SDK1: variants seen among roughly 807,000 people sequenced by gnomAD.
The protein encoded by SDK1 is sidekick cell adhesion molecule 1.
A neutral mutation model predicts 245.5 loss-of-function variants in SDK1; 157 were observed. The ratio of observed to expected loss-of-function variants is 0.64; its 90% CI spans 0.56 to 0.73. The LOEUF (loss-of-function observed/expected upper bound fraction) is 0.73. SDK1 is among the 30% of genes least tolerant of loss of function. SDK1 has a pLI of 0.00. For synonymous variants in SDK1, 1,647 were observed against 1,278.5 expected (o/e 1.29, Z -6.15); for missense variants, 3,583 against 3,002.3 (o/e 1.19, Z -4.52).
intron 7 of SDK1, chr7:3,958,007 G>A (rs968942527): frequency 9.8e-5 from 46 of 470,516 alleles, no homozygotes; most frequent in African/African-American, 8.8e-4. Flanking sequence ...TCTTTGAAAT[G>A]CTTAGTTTTC....
intron 1 of SDK1, among the ~76,000 whole-genome samples, chr7:3,609,266 A>G (rs1562599312): frequency 6.6e-6 from 1 of 152,226 alleles, no homozygotes; most frequent in Non-Finnish European, 1.5e-5. Flanking sequence ...AGGGATCCTG[A>G]GACCAAAAAC....
chr7:3,761,295 T>A (rs1173573246), intron 4 of SDK1, among the ~76,000 whole-genome samples: 1 of 137,274 alleles, frequency 7.3e-6, no homozygotes, highest in East Asian at 2.0e-4. Context: ...TTGCTGATGA[T>A]CTATTTAGTT....
intron 1 of SDK1, among the ~76,000 whole-genome samples, chr7:3,364,566 C>G (rs1250543545): frequency 6.6e-6 from 1 of 151,904 alleles, no homozygotes; most frequent in East Asian, 1.9e-4. Flanking sequence ...TTTTTTGCAC[C>G]TCTCTCAAAA....
intron 1 of SDK1, among the ~76,000 whole-genome samples, chr7:3,371,274 C>A (rs916409080): frequency 8.6e-6 from 1 of 115,892 alleles, no homozygotes; most frequent in African/African-American, 2.5e-5. Context: ...GATGTGTTAC[C>A]CATCTGTGCA....
intron 1 of SDK1, among the ~76,000 whole-genome samples, chr7:3,304,762 A>G (rs893037946): frequency 1.3e-5 from 2 of 152,204 alleles, no homozygotes; most frequent in African/African-American, 2.4e-5. Flanking sequence ...CCCCTATTCC[A>G]GACACCTGCT....
Position 3,973,414 on chromosome 7 carries a change from G to A in SDK1, c.1818-955G>A, listed in dbSNP as rs192547220. On this transcript the variant is annotated intron_variant, in intron 12 of 44. Coordinates refer to ENST00000404826, the MANE Select transcript of SDK1 (RefSeq NM_152744.4). ...ATAGCAATGAGTGCTGGCCCTGCCC[G>A]TGGTCATCTAAAGACTGGGCAGGCT... 1.7e-4 allele frequency among the ~76,000 whole-genome samples: 26 copies of A among 152,314 alleles called. No homozygotes were observed. The East Asian group carries it at 2.7e-3, about 16-fold the overall frequency.
intron 14 of SDK1, among the ~76,000 whole-genome samples, chr7:3,989,519 C>A (rs1784133782): frequency 6.6e-6 from 1 of 152,182 alleles, no homozygotes; most frequent in African/African-American, 2.4e-5. Flanking sequence ...ATGCAGGTAT[C>A]CTGGCTGTTA....
chr7:3,634,649 T>C (rs919898754), intron 2 of SDK1, among the ~76,000 whole-genome samples: 6 of 152,212 alleles, frequency 3.9e-5, no homozygotes, highest in Non-Finnish European at 5.9e-5. Context: ...AATGTGTGTT[T>C]ATAAACAATA....
intron 5 of SDK1, among the ~76,000 whole-genome samples, chr7:3,922,660 T>C (rs1173531793): frequency 2.0e-5 from 3 of 152,240 alleles, no homozygotes; most frequent in Non-Finnish European, 2.9e-5. Context: ...TAGATTGATA[T>C]GTTGTTTTAT....
intron 1 of SDK1, among the ~76,000 whole-genome samples, chr7:3,546,425 G>A (rs1057507472): frequency 5.9e-5 from 9 of 152,126 alleles, no homozygotes; most frequent in African/African-American, 1.2e-4. Context: ...CACTAAAGCC[G>A]TTTTTAAAAA....
At position 3,491,628 on chromosome 7, in the gene SDK1, C is replaced by A. The variant is rs546140716; in HGVS notation, c.299-127452C>A. Among the ~76,000 whole-genome samples the A allele has an allele frequency of 2.6e-5, 4 of 152,330 alleles. No individual in the cohort carries two copies. The South Asian group carries it at 8.3e-4, about 32-fold the overall frequency. ...AAGGGAAATAAACACATAGCTATAT[C>A]TCTCCTGAAGTCTTCTTGCAGTTAC... is the stretch of plus-strand genomic sequence containing the variant. On this transcript the variant is annotated intron_variant, in intron 1 of 44. Transcript: ENST00000404826.
intron 5 of SDK1, among the ~76,000 whole-genome samples, chr7:3,912,250 T>A (rs1337822686): frequency 6.6e-6 from 1 of 152,210 alleles, no homozygotes; most frequent in Admixed American, 6.5e-5. Flanking sequence ...TTTCTTAGGC[T>A]ATAGGAGGAG....
At chr7:3,308,680 C>G (rs1779478581) in intron 1 of SDK1, among the ~76,000 whole-genome samples, 1 of 151,936 alleles carries the variant, frequency 6.6e-6, no homozygotes, top group Admixed American at 6.6e-5. Flanking sequence ...TAAGGCTAGG[C>G]TTTAGAGTTG....
At chr7:3,656,049 C>G (rs1783171855) in intron 4 of SDK1, among the ~76,000 whole-genome samples, 2 of 152,184 alleles carry the variant, frequency 1.3e-5, no homozygotes, top group African/African-American at 2.4e-5. Context: ...TCACGGTGTT[C>G]TCCAATTGTC....
At position 3,864,444 on chromosome 7, in the gene SDK1, A is replaced by G. The variant is rs140020759; in HGVS notation, c.847+42861A>G. ...CTTCCCTTTCCTGCCTGACGTCTCC[A>G]TCTGTTGAAGAATAAGACAAAAGGG... On this transcript the variant is annotated intron_variant, in intron 5 of 44. Transcript: ENST00000404826. Among the ~76,000 whole-genome samples, 264 of 152,338 alleles carry G rather than the reference A, an allele frequency of 1.7e-3. 3 individuals carry two copies. The highest frequency in any genetic ancestry group is 3.0e-3 in the Non-Finnish European group (204 of 68,024).
At chr7:3,580,850 C>A (rs888146319) in intron 1 of SDK1, among the ~76,000 whole-genome samples, 2 of 151,416 alleles carry the variant, frequency 1.3e-5, no homozygotes, top group Admixed American at 1.3e-4. Flanking sequence ...CGCCTGTAGT[C>A]CCAGCTACTC....
chr7:4,069,609 C>G (rs933054367), intron 20 of SDK1, among the ~76,000 whole-genome samples: 1 of 152,236 alleles, frequency 6.6e-6, no homozygotes, highest in Non-Finnish European at 1.5e-5. Flanking sequence ...CAAGCTTATG[C>G]TCTCTGGGTG....
chr7:3,991,808 G>A lies in SDK1; in HGVS notation c.2131+4486G>A, dbSNP rs567178788. ...GAAGCAGCCTGTGCTGCTACCAGCT[G>A]GTTGGTCCGTGTCTTCCTGCTGTGG... is the stretch of plus-strand genomic sequence containing the variant. On this transcript the variant is annotated intron_variant, in intron 14 of 44. Coordinates refer to ENST00000404826, the MANE Select transcript of SDK1 (RefSeq NM_152744.4). Among the ~76,000 whole-genome samples, 44 of 152,324 alleles carry A rather than the reference G, an allele frequency of 2.9e-4. 1 individual carries two copies. The highest frequency in any genetic ancestry group is 9.9e-4 in the African/African-American group (41 of 41,570).
At chr7:3,418,742 A>G (rs760224634) in intron 1 of SDK1, among the ~76,000 whole-genome samples, 2 of 152,178 alleles carry the variant, frequency 1.3e-5, no homozygotes, top group African/African-American at 4.8e-5. Context: ...AGGATGTTCT[A>G]CTTTTGAAAA....
Sources: allele counts gnomAD v4.1 joint callset (sites outside exome capture counted in the v4.1 genomes callset), GRCh38; gene constraint gnomAD v4.1.1; transcripts MANE v1.5; gene names NCBI Gene and HGNC (gene_info 2026-07-23, HGNC 2026-07-21).